Variants in FN1 observed in about 807,000 individuals in gnomAD.
The protein encoded by FN1 is fibronectin 1.
FN1 carries 106 observed loss-of-function variants against 297.3 expected under a neutral mutation model. The ratio of observed to expected loss-of-function variants is 0.36; its 90% CI spans 0.30 to 0.42. FN1 has a LOEUF of 0.42. FN1 is among the 10% of genes least tolerant of loss of function. FN1 has a pLI of 1.00. For synonymous variants in FN1, 1,149 were observed against 1,152.6 expected (o/e 1.00, Z 0.06); for missense variants, 2,690 against 3,124.9 (o/e 0.86, Z 3.32).
chr2:215,401,263 G>GAAGGA lies in FN1; in HGVS notation c.3254-1917_3254-1913dup, dbSNP rs1553629805. On this transcript the variant is annotated intron_variant, in intron 20 of 45. Transcript: ENST00000354785. ...GAAAGAAAGAAAGGAAGAAAGAAAG[G>GAAGGA]AAGGAAAGGAAAGGAAAGGAAGAAA... 2.3e-3 allele frequency among the ~76,000 whole-genome samples: 174 copies of GAAGGA among 74,120 alleles called. 9 individuals carry two copies. The highest frequency in any genetic ancestry group is 7.6e-3 in the African/African-American group (110 of 14,518). The allele number at this position is 74,120 out of a possible 152,430, so 48.6% of individuals were successfully genotyped here. A position where few individuals can be genotyped will look rare whatever the true frequency, so the allele number is the denominator to read the frequency against.
chr2:215,370,209 G>T (rs1208706824), intron 41 of FN1, 85 bp downstream of exon 41: 2 of 1,374,882 alleles, frequency 1.5e-6, no homozygotes, highest in South Asian at 1.2e-5. Context: ...AAAGACAATG[G>T]CAACAAAGGT....
chr2:215,401,815 G>A (rs1012873342), intron 20 of FN1, among the ~76,000 whole-genome samples: 2 of 151,404 alleles, frequency 1.3e-5, no homozygotes, highest in Admixed American at 6.6e-5. Context: ...TAAAAATATT[G>A]TGTGAGAAAA....
rs770044538 is a variant in FN1, at chr2:215,420,698, C to T, written c.1650G>A (p.Arg550=). Residue 550 remains arginine, a synonymous_variant, in exon 11 of 46, where the codon CGG becomes CGA. Coordinates refer to ENST00000354785, the MANE Select transcript of FN1 (RefSeq NM_212482.4). The part of the protein sequence containing the change: ...MLNCTCFGQG[R]GRWKCDPVDQ... ...CGACGGGATCACACTTCCACCTGCC[C>T]CGACCCTGACCGAAGCATGTACAGT... is the stretch of plus-strand genomic sequence containing the variant. 3.1e-6 allele frequency: 5 copies of T among 1,614,032 alleles called. No homozygotes were observed. Among genetic ancestry groups the T allele is most frequent in the Non-Finnish European group, 8.5e-7 (1 of 1,180,016 alleles).
In FN1 at chr2:215,406,447, A is replaced by G. The variant is rs534832476; in HGVS notation, c.2777T>C (p.Met926Thr). 7 of 1,614,174 alleles carry G rather than the reference A, an allele frequency of 4.3e-6. No homozygotes were observed. The South Asian group carries it at 7.7e-5, about 18-fold the overall frequency. Reference protein sequence around the residue: ...VEVTDVKVTIMWTPPESAVTG... With the variant: ...VEVTDVKVTITWTPPESAVTG... ...CACTGCACTCTCAGGCGGTGTCCAC[A>G]TGATGGTGACCTTCACGTCTGTCAC... Residue 926 changes from methionine to threonine, a missense_variant, in exon 19 of 46, where the codon ATG (methionine) becomes ACG (threonine). Physicochemically the swap from Met to Thr is moderately conservative, Grantham distance 81. Transcript: ENST00000354785.
At chr2:215,361,847 G>A in intron 45 of FN1, 122 bp downstream of exon 45, 1 of 1,363,586 alleles carries the variant, frequency 7.3e-7, no homozygotes, top group Non-Finnish European at 1.0e-6. Context: ...TTTCACTTAA[G>A]TCATTTATGA....
intron 41 of FN1, 68 bp from the exon 42 acceptor site, chr2:215,368,095 A>C (rs2055020428): frequency 6.7e-6 from 10 of 1,492,978 alleles, no homozygotes; most frequent in Admixed American, 1.7e-5. Flanking sequence ...TAAGAAGAAA[A>C]TCGAATGACT....
Position 215,375,409 on chromosome 2 carries a change from A to G in FN1, c.5978-16T>C. 2 of 1,589,894 alleles carry G rather than the reference A, an allele frequency of 1.3e-6. No homozygotes were observed. The highest frequency in any genetic ancestry group is 1.7e-6 in the Non-Finnish European group (2 of 1,162,070). On this transcript the variant is annotated splice_polypyrimidine_tract_variant and intron_variant, in intron 37 of 45. Coordinates refer to ENST00000354785, the MANE Select transcript of FN1 (RefSeq NM_212482.4). ...GCATCAATGGCTGAAAGAAAACAAA[A>G]TTAAGTCTCTAAGAAGGCAAATAAC...
intron 4 of FN1, 51 bp downstream of exon 4, chr2:215,431,782 C>T: frequency 1.2e-6 from 2 of 1,603,498 alleles, no homozygotes; most frequent in Non-Finnish European, 1.7e-6. Flanking sequence ...GGTCCAACCC[C>T]ACATTAGAAC....
In FN1 at chr2:215,376,548, G is replaced by A. The variant is rs145621410; in HGVS notation, c.5837C>T (p.Thr1946Ile). 1.2e-4 allele frequency: 195 copies of A among 1,614,094 alleles called. No homozygotes were observed. In the East Asian group the frequency reaches 2.7e-3, roughly 22 times the overall value. The change falls in exon 36 of 46, where the codon ACT becomes ATT. Residue 1946 changes from threonine to isoleucine, a missense_variant. Physicochemically the swap from Thr to Ile is moderately conservative, Grantham distance 89 (BLOSUM62 -1). Transcript: ENST00000354785. ...QVDAVPANGQ[T>I]PIQRTIKPDV... ...TGGCTTGATGGTTCTCTGGATTGGA[G>A]TCTGGCCATTGGCTGGAACGGCATC...
At position 215,422,116 on chromosome 2, in the gene FN1, T is replaced by G. The variant is rs767575514; in HGVS notation, c.1521A>C (p.Thr507=). The stretch of plus-strand genomic sequence containing the variant: ...CTCGAAGCTGCGAGTAGGCAATGCA[T>G]GTCCATTCCCCACGACCATTCCCAA... ...TCVGNGRGEW[T]CIAYSQLRDQ... Residue 507 remains threonine, a synonymous_variant, in exon 10 of 46, where the codon ACA becomes ACC. Transcript: ENST00000354785. 9.3e-6 allele frequency: 15 copies of G among 1,614,222 alleles called. No homozygotes were observed. The highest frequency in any genetic ancestry group is 3.3e-5 in the Admixed American group (2 of 60,036).
rs553253089 is a variant in FN1, at chr2:215,408,034, G to T, written c.2518+74C>A. 1.2e-4 allele frequency: 138 copies of T among 1,148,632 alleles called. 1 individual carries two copies. In the African/African-American group the frequency reaches 1.6e-3, roughly 14 times the overall value. 71.2% of individuals were successfully genotyped at this position (1,148,632 alleles called of 1,614,324 possible). ...ATTTAAAGTGATATGCAGGTCCGCA[G>T]TCAGAATCTGCGCCCTCCCTGCTGA... On this transcript the variant is annotated intron_variant, in intron 17 of 45. Coordinates refer to ENST00000354785, the MANE Select transcript of FN1 (RefSeq NM_212482.4).
intron 44 of FN1, chr2:215,364,225 C>T (rs79551256): frequency 0.011 from 1,683 of 157,154 alleles, 31 homozygotes; most frequent in African/African-American, 0.038. Context: ...CTACTTAGCA[C>T]AGTGCTAGAC....
chr2:215,390,379 C>G (rs1451896454), intron 26 of FN1, among the ~76,000 whole-genome samples: 2 of 152,060 alleles, frequency 1.3e-5, no homozygotes, highest in African/African-American at 4.8e-5. Flanking sequence ...GAGACTTGGT[C>G]TCACTGTGTT....
chr2:215,381,366 C>T (rs1367209674), intron 32 of FN1: 1 of 458,658 alleles, frequency 2.2e-6, no homozygotes, highest in African/African-American at 2.0e-5. Flanking sequence ...GATATTCTAC[C>T]ACGATTTGAT....
chr2:215,394,063 A>G (rs1438109625), intron 24 of FN1, among the ~76,000 whole-genome samples: 1 of 152,220 alleles, frequency 6.6e-6, no homozygotes, highest in Non-Finnish European at 1.5e-5. Context: ...GAAAAACTAG[A>G]TGTGTCAACC....
In FN1 at chr2:215,363,612, T is replaced by C. The variant is rs1214391619; in HGVS notation, c.7251+1267A>G. On this transcript the variant is annotated intron_variant, in intron 44 of 45. Transcript: ENST00000354785. ...ATTTTCCATCATGTTTCTTTGCATC[T>C]TGGATACCTGTAATTGGTTAATGCA... is the stretch of plus-strand genomic sequence containing the variant. 4 of 152,358 alleles carry C rather than the reference T, an allele frequency of 2.6e-5. No individual in the cohort carries two copies. In the East Asian group the frequency reaches 5.8e-4, roughly 22 times the overall value. The allele number at this position is 152,358 out of a possible 1,614,324, so 9.4% of individuals were successfully genotyped here.
At chr2:215,426,055 A>G (rs112548884) in intron 6 of FN1, among the ~76,000 whole-genome samples, 1 of 150,322 alleles carries the variant, frequency 6.7e-6, no homozygotes, top group Non-Finnish European at 1.5e-5. Flanking sequence ...TTGTGATTCT[A>G]TTGTGTTTTT....
In FN1 at chr2:215,408,443, A is replaced by C. The variant is rs749161168; in HGVS notation, c.2300-17T>G. On this transcript the variant is annotated splice_polypyrimidine_tract_variant and intron_variant, in intron 15 of 45. Coordinates refer to ENST00000354785, the MANE Select transcript of FN1 (RefSeq NM_212482.4). ...TTGGAAGATCTTTGAAATGAAAAGA[A>C]AAGGTAACTAATCAGAGCAAACTAG... The C allele has an allele frequency of 3.1e-6, 5 of 1,613,856 alleles. No homozygotes were observed. In the African/African-American group the frequency reaches 5.3e-5, roughly 17 times the overall value.
chr2:215,389,258 C>G (rs947259423), intron 26 of FN1, among the ~76,000 whole-genome samples: 56 of 152,158 alleles, frequency 3.7e-4, no homozygotes, highest in African/African-American at 1.3e-3. Context: ...TGCCTGCCAC[C>G]ATGCCTGGCT....
Sources: gnomAD v4.1 joint callset for allele counts (sites outside exome capture counted in the v4.1 genomes callset) on GRCh38, gnomAD v4.1.1 for gene constraint, MANE v1.5 for transcripts, NCBI Gene and HGNC (gene_info 2026-07-23, HGNC 2026-07-21) for gene names.